LHFPL3: variants seen among roughly 807,000 people sequenced by gnomAD.
LHFPL3 encodes the protein LHFPL tetraspan subfamily member 3 protein.
In LHFPL3, 5 loss-of-function variants were observed where a neutral mutation model predicts 19.3. That is an observed-to-expected ratio of 0.26 (90% CI 0.14 to 0.54). The LOEUF is 0.54. LHFPL3 is among the 20% of genes least tolerant of loss of function. The probability of loss-of-function intolerance (pLI) is 0.94; values close to 1 mark genes in which losing one functional copy is unlikely to be tolerated. For missense variants in LHFPL3, 249 were observed against 307.4 expected, an observed-to-expected ratio of 0.81 and a Z score of 1.42; for synonymous variants, 133 against 126.2, an observed-to-expected ratio of 1.05 and a Z score of -0.36.
At chr7:104,344,840 T>G (rs956735152) in intron 1 of LHFPL3, among the ~76,000 whole-genome samples, 4 of 151,838 alleles carry the variant, frequency 2.6e-5, no homozygotes, top group African/African-American at 9.7e-5. Context: ...TTGAAGTATT[T>G]TCATGAGTAA....
intron 1 of LHFPL3, among the ~76,000 whole-genome samples, chr7:104,350,402 A>G (rs993962856): frequency 6.6e-6 from 1 of 152,216 alleles, no homozygotes; most frequent in African/African-American, 2.4e-5. Flanking sequence ...ACTTGTAACT[A>G]CTGTGCTCAA....
rs138229813 is a variant in LHFPL3 at position 104,412,431 on chromosome 7, A to T, written c.445+83207A>T. On this transcript the variant is annotated intron_variant, in intron 1 of 2. Transcript: ENST00000424859. ...GAGTGGCACAGAGAAGGAGCAAATG[A>T]AAGCTAGAATTGTTCATAGTTATTA... 2.4e-3 allele frequency among the ~76,000 whole-genome samples: 366 copies of T among 152,240 alleles called. 2 individuals are homozygous for T. Among genetic ancestry groups the T allele is most frequent in the Middle Eastern group, 0.01 (3 of 294 alleles).
At chr7:104,430,388 A>ATATATACATG (rs1314883020) in intron 1 of LHFPL3, among the ~76,000 whole-genome samples, 1,495 of 49,934 alleles carry the variant, frequency 0.03, 203 homozygotes, top group African/African-American at 0.05. Flanking sequence ...ATATACATAT[A>ATATATACATG]TATATATATA....
intron 1 of LHFPL3, among the ~76,000 whole-genome samples, chr7:104,695,372 A>G (rs1792979033): frequency 6.6e-6 from 1 of 152,258 alleles, no homozygotes; most frequent in South Asian, 2.1e-4. Flanking sequence ...GAGTGATTAC[A>G]ATAAGAAATG....
intron 1 of LHFPL3, among the ~76,000 whole-genome samples, chr7:104,478,300 T>C (rs1261033148): frequency 2.6e-5 from 4 of 152,196 alleles, no homozygotes; most frequent in Non-Finnish European, 5.9e-5. Flanking sequence ...ATATATGGTC[T>C]GCCAGTTTCT....
intron 1 of LHFPL3, among the ~76,000 whole-genome samples, chr7:104,468,092 C>T (rs1295210649): frequency 6.6e-6 from 1 of 152,198 alleles, no homozygotes; most frequent in African/African-American, 2.4e-5. Flanking sequence ...ACTAGAAGAG[C>T]AGAAGTTATC....
intron 1 of LHFPL3, among the ~76,000 whole-genome samples, chr7:104,489,878 C>G (rs1393669056): frequency 6.6e-6 from 1 of 152,146 alleles, no homozygotes; most frequent in Non-Finnish European, 1.5e-5. Context: ...TGGGTACAAA[C>G]AGCTATGCAG....
intron 1 of LHFPL3, among the ~76,000 whole-genome samples, chr7:104,606,145 G>A (rs957982512): frequency 9.2e-5 from 14 of 152,158 alleles, no homozygotes; most frequent in African/African-American, 3.4e-4. Flanking sequence ...ACAGGCGTGA[G>A]CCACCACACC....
chr7:104,490,200 A>G (rs1213022965), intron 1 of LHFPL3, among the ~76,000 whole-genome samples: 3 of 152,176 alleles, frequency 2.0e-5, no homozygotes, highest in Non-Finnish European at 4.4e-5. Flanking sequence ...GAAATGAGAT[A>G]TTCTTGCCTA....
intron 1 of LHFPL3, among the ~76,000 whole-genome samples, chr7:104,686,289 G>C (rs1336389687): frequency 6.6e-6 from 1 of 152,034 alleles, no homozygotes; most frequent in Non-Finnish European, 1.5e-5. Context: ...TGCCTCCAAG[G>C]CACCTACACC....
intron 1 of LHFPL3, among the ~76,000 whole-genome samples, chr7:104,587,954 T>A (rs1242628749): frequency 6.6e-6 from 1 of 152,226 alleles, no homozygotes; most frequent in Non-Finnish European, 1.5e-5. Context: ...TTTGCCCACT[T>A]GTTAATGGGG....
chr7:104,399,209 T>C lies in LHFPL3; in HGVS notation c.445+69985T>C, dbSNP rs921836862. On this transcript the variant is annotated intron_variant, in intron 1 of 2. Transcript: ENST00000424859. This position sits in a 1 kb window ranked among gnomAD's most constrained non-coding sequence, Gnocchi z 4.4. ...ACCCCTGATGTCCTCTTACTTCCCT[T>C]GATATCGTAGGTTTCCAGCTGGACA... 7.9e-5 allele frequency among the ~76,000 whole-genome samples: 12 copies of C among 152,106 alleles called. No individual in the cohort carries two copies.
intron 1 of LHFPL3, among the ~76,000 whole-genome samples, chr7:104,554,797 C>T (rs1159800328): frequency 1.3e-5 from 2 of 152,124 alleles, no homozygotes; most frequent in South Asian, 2.1e-4. Flanking sequence ...CCAGGGAAGA[C>T]AATAGTCCAA....
intron 1 of LHFPL3, among the ~76,000 whole-genome samples, chr7:104,512,774 A>C (rs1584371302): frequency 6.6e-6 from 1 of 152,214 alleles, no homozygotes; most frequent in Middle Eastern, 3.4e-3. Context: ...GAAAGAAAGT[A>C]GGACACAGGA....
intron 1 of LHFPL3, among the ~76,000 whole-genome samples, chr7:104,414,113 G>A (rs750337081): frequency 2.0e-5 from 3 of 150,990 alleles, no homozygotes; most frequent in Non-Finnish European, 3.0e-5. Context: ...AAAAACTATC[G>A]CACAGAAGCT....
chr7:104,396,190 T>C (rs947913202), intron 1 of LHFPL3, among the ~76,000 whole-genome samples: 1 of 152,210 alleles, frequency 6.6e-6, no homozygotes, highest in Non-Finnish European at 1.5e-5. Context: ...CTTGTACCTA[T>C]TCTAGATTCT....
chr7:104,850,076 G>C lies in LHFPL3; in HGVS notation c.683-56111G>C, dbSNP rs1292658767. On this transcript the variant is annotated intron_variant, in intron 2 of 2. Transcript: ENST00000424859. ...CCAGCAGTTTGGGAGGCCAAGGTGG[G>C]CGGATCACTTGAGGTTGGGAGTTCG... Among the ~76,000 whole-genome samples, 11 of 152,210 alleles carry C rather than the reference G, an allele frequency of 7.2e-5. No individual in the cohort carries two copies. In the East Asian group the frequency reaches 2.1e-3, roughly 29 times the overall value.
chr7:104,707,643 T>C (rs1793216704), intron 1 of LHFPL3, among the ~76,000 whole-genome samples: 1 of 152,176 alleles, frequency 6.6e-6, no homozygotes, highest in Admixed American at 6.5e-5. Context: ...GCATCTTCCA[T>C]TTTCCTAGTA....
At chr7:104,744,389 A>G (rs1168118523) in intron 2 of LHFPL3, among the ~76,000 whole-genome samples, 1 of 152,194 alleles carries the variant, frequency 6.6e-6, no homozygotes, top group Non-Finnish European at 1.5e-5. Context: ...AAACTTTCAT[A>G]AGGTCATAGT....
Sources: allele counts gnomAD v4.1 joint callset (sites outside exome capture counted in the v4.1 genomes callset), GRCh38; gene constraint gnomAD v4.1.1; non-coding constraint Gnocchi (gnomAD v3.1); transcripts MANE v1.5; gene names NCBI Gene and HGNC (gene_info 2026-07-23, HGNC 2026-07-21).